DNA2: variants seen among roughly 807,000 people sequenced by gnomAD.
DNA2 encodes DNA replication ATP-dependent helicase/nuclease DNA2.
A neutral mutation model predicts 119.1 loss-of-function variants in DNA2; 101 were observed. The ratio of observed to expected loss-of-function variants is 0.85; its 90% confidence interval spans 0.72 to 1.00. The LOEUF (loss-of-function observed/expected upper bound fraction) is 1.00, where lower values mean the gene tolerates loss of function less well. Among genes scored for constraint, DNA2 ranks in the 50% least tolerant of loss-of-function variants. The pLI, the probability that DNA2 is intolerant of heterozygous loss-of-function variation, is 0.00. For synonymous variants in DNA2, 366 were observed against 424.4 expected (o/e 0.86, Z 1.69); for missense variants, 1,121 against 1,255.5 (o/e 0.89, Z 1.62).
At chr10:68,464,024 C>T (rs1254922804) in intron 4 of DNA2, among the ~76,000 whole-genome samples, 5 of 152,024 alleles carry the variant, frequency 3.3e-5, no homozygotes, top group Non-Finnish European at 2.9e-5. Context: ...CCAAAGCATC[C>T]AAAAAAGATC....
chr10:68,471,779 C>G lies in DNA2; in HGVS notation c.74+12G>C, dbSNP rs762289354. The G allele has an allele frequency of 1.3e-4, 200 of 1,590,968 alleles. No individual in the cohort carries two copies. Among genetic ancestry groups the G allele is most frequent in the Middle Eastern group, 1.7e-4 (1 of 5,748 alleles). ...CCGCTTTGTTCCCACACCCTCCCCC[C>G]TCTCCGCTCACAGCTCCGCCGGCAG... On this transcript the variant is annotated intron_variant, in intron 1 of 20. Transcript: ENST00000358410.
At chr10:68,470,618 G>A (rs985858580) in intron 1 of DNA2, 7 of 450,806 alleles carry the variant, frequency 1.6e-5, no homozygotes, top group Non-Finnish European at 3.1e-5. Flanking sequence ...CGGTTCTGGC[G>A]GAGAAAAAAG....
intron 18 of DNA2, 111 bp from the exon 19 acceptor site, chr10:68,419,324 A>C: frequency 6.1e-6 from 5 of 816,810 alleles, no homozygotes; most frequent in East Asian, 3.0e-5. Flanking sequence ...TTTATAACAA[A>C]CTTTCCTATC....
chr10:68,472,042 G>GGGGCCCCTCACCTGAGCAGCAGGGCTC (rs1465118659), upstream of DNA2: 11 of 1,604,130 alleles, frequency 6.9e-6, no homozygotes, highest in Non-Finnish European at 9.4e-6. Context: ...CGTTCCACGT[G>GGGGCCCCTCACCTGAGCAGCAGGGCTC]GGGCCCCTCA....
At position 68,437,063 on chromosome 10, in the gene DNA2, T is replaced by C; in HGVS notation, c.1594A>G (p.Arg532Gly). The C allele has an allele frequency of 2.5e-6, 4 of 1,613,962 alleles. No homozygotes were observed. Among genetic ancestry groups the C allele is most frequent in the Non-Finnish European group, 3.4e-6 (4 of 1,179,876 alleles). Residue 532 changes from arginine (R) to glycine (G), a missense_variant, in exon 10 of 21, where the codon AGA (arginine) becomes GGA (glycine). Transcript: ENST00000358410. Reference sequence around the variant, plus strand: ...ATGTTAATCTCCTTCACATATCCTCTAGACAAAGCAAACAGTGACCTTTCT... The same window carrying C: ...ATGTTAATCTCCTTCACATATCCTCCAGACAAAGCAAACAGTGACCTTTCT... ...GEERSLFALS[R>G]GYVKEINMTT...
chr10:68,422,388 T>G lies in DNA2; in HGVS notation c.2534A>C (p.Lys845Thr). The change falls in exon 17 of 21, where the codon AAG becomes ACG. Residue 845 changes from lysine to threonine, a missense_variant. Transcript: ENST00000358410. ...SLSNKLTYEG[K>T]LECGSDKVAN... Reference sequence around the variant, plus strand: ...CACTTTGTCTGATCCACACTCCAGCTTGCCCTCATAGGTCAGCTTATTACT... The same window carrying G: ...CACTTTGTCTGATCCACACTCCAGCGTGCCCTCATAGGTCAGCTTATTACT... 1 of 1,613,958 alleles carries G rather than the reference T, an allele frequency of 6.2e-7. No individual in the cohort carries two copies. Among genetic ancestry groups the G allele is most frequent in the South Asian group, 1.1e-5 (1 of 91,066 alleles).
At chr10:68,429,544 C>CA (rs533902480) in intron 14 of DNA2, among the ~76,000 whole-genome samples, 68,687 of 102,230 alleles carry the variant, frequency 0.67, 23,541 homozygotes, top group Non-Finnish European at 0.78. Context: ...AACTCCGTCT[C>CA]AAAAAAAAAA....
intron 5 of DNA2, among the ~76,000 whole-genome samples, chr10:68,456,725 A>AT (rs1378517719): frequency 1.3e-5 from 2 of 151,498 alleles, no homozygotes; most frequent in African/African-American, 4.9e-5. Flanking sequence ...CTTAAAGCAA[A>AT]TTTTTTAGAT....
At chr10:68,469,518 A>G (rs930298528) in intron 2 of DNA2, among the ~76,000 whole-genome samples, 3 of 152,008 alleles carry the variant, frequency 2.0e-5, no homozygotes, top group African/African-American at 7.2e-5. Flanking sequence ...GCTGGAGTGC[A>G]ATGGCATGAT....
intron 9 of DNA2, among the ~76,000 whole-genome samples, chr10:68,439,929 C>T (rs577983424): frequency 6.2e-4 from 94 of 151,932 alleles, no homozygotes; most frequent in African/African-American, 2.1e-3. Context: ...CGCTTGAACC[C>T]GGGAGGCAGA....
At chr10:68,439,231 C>G (rs1173921612) in intron 9 of DNA2, among the ~76,000 whole-genome samples, 1 of 150,934 alleles carries the variant, frequency 6.6e-6, no homozygotes. Context: ...CCCATCCCTA[C>G]TAAAAATACA....
intron 9 of DNA2, among the ~76,000 whole-genome samples, chr10:68,442,211 A>C (rs2051978429): frequency 6.6e-6 from 1 of 151,050 alleles, no homozygotes; most frequent in African/African-American, 2.4e-5. Flanking sequence ...CGACGCCCTG[A>C]CAAAAGTAAT....
Position 68,444,915 on chromosome 10 carries a change from A to G in DNA2, c.1220+6T>C. 8 of 1,610,306 alleles carry G rather than the reference A, an allele frequency of 5.0e-6. No individual in the cohort carries two copies. Among genetic ancestry groups the G allele is most frequent in the Non-Finnish European group, 6.8e-6 (8 of 1,177,218 alleles). The stretch of plus-strand genomic sequence containing the variant: ...AGAAATAATGCCTTTGGTAGACAAT[A>G]TTTACCTGCTATAAAGAGCACAATT... On this transcript the variant is annotated splice_donor_region_variant and intron_variant, in intron 8 of 20. Coordinates refer to ENST00000358410, the MANE Select transcript of DNA2 (RefSeq NM_001080449.3).
In DNA2 at chr10:68,414,502, A is replaced by G. The variant is rs2051563759; in HGVS notation, c.*537T>C. The G allele has an allele frequency of 6.6e-6, 1 of 152,206 alleles. No homozygotes were observed. Among genetic ancestry groups the G allele is most frequent in the East Asian group, 1.9e-4 (1 of 5,204 alleles). 9.4% of individuals were successfully genotyped at this position (152,206 alleles called of 1,614,324 possible). On this transcript the variant is annotated 3_prime_UTR_variant, in exon 21 of 21. Coordinates refer to ENST00000358410, the MANE Select transcript of DNA2 (RefSeq NM_001080449.3). ...ACTGAAATACTGAATACTGAAAACA[A>G]AAAAGGAGGATAGTAAGGGAGGATA...
chr10:68,421,476 C>T (rs1351622868), intron 17 of DNA2, among the ~76,000 whole-genome samples: 6 of 152,024 alleles, frequency 3.9e-5, no homozygotes, highest in South Asian at 2.1e-4. Flanking sequence ...TATTTTGGGC[C>T]GGGCACAGTG....
At chr10:68,427,505 G>A (rs555994378) in intron 14 of DNA2, among the ~76,000 whole-genome samples, 1 of 151,208 alleles carries the variant, frequency 6.6e-6, no homozygotes, top group East Asian at 2.0e-4. Flanking sequence ...ATATTAGGCA[G>A]GCATGGTGGT....
chr10:68,424,766 G>A, intron 14 of DNA2: 3 of 1,392,320 alleles, frequency 2.2e-6, no homozygotes, highest in Non-Finnish European at 2.0e-6. Flanking sequence ...AAATTGGCAA[G>A]GTAGTCCAGG....
intron 19 of DNA2, among the ~76,000 whole-genome samples, chr10:68,417,705 C>G (rs1020682615): frequency 6.8e-6 from 1 of 147,576 alleles, no homozygotes; most frequent in African/African-American, 2.5e-5. Flanking sequence ...TGAAAGTATA[C>G]AAGGAAGATT....
chr10:68,432,494 G>A lies in DNA2; in HGVS notation c.1663C>T (p.Pro555Ser). ...CLLDRNLSVL[P>S]ESTLFRLDQE... is the part of the protein sequence containing the mutation. The stretch of plus-strand genomic sequence containing the variant: ...TCTAATCTGAACAAAGTTGATTCTG[G>A]AAGGACCGACAAGTTTCTAAAACAA... The change falls in exon 11 of 21, where the codon CCA becomes TCA. Residue 555 changes from proline to serine, a missense_variant. Physicochemically the swap from Pro to Ser is moderately conservative, Grantham distance 74 (BLOSUM62 -1). Coordinates refer to ENST00000358410, the MANE Select transcript of DNA2 (RefSeq NM_001080449.3). The A allele has an allele frequency of 4.5e-6, 7 of 1,561,062 alleles. No homozygotes were observed. Among genetic ancestry groups the A allele is most frequent in the Non-Finnish European group, 6.1e-6 (7 of 1,151,086 alleles).
Sources: gnomAD v4.1 joint callset for allele counts (sites outside exome capture counted in the v4.1 genomes callset) on GRCh38, gnomAD v4.1.1 for gene constraint, MANE v1.5 for transcripts, NCBI Gene and HGNC (gene_info 2026-07-23, HGNC 2026-07-21) for gene names.